The following PKIB variants were observed in gnomAD, a reference collection of about 807,000 sequenced individuals.
PKIB encodes the protein PKI-beta.
Under a neutral mutation model 4.5 loss-of-function variants are expected in PKIB, and 2 were observed. The observed-to-expected ratio is 0.44, with a 90% CI of 0.18 to 1.39. PKIB has a LOEUF of 1.39. PKIB is among the 40% of genes most tolerant of loss of function. The pLI, the probability that PKIB is intolerant of heterozygous loss-of-function variation, is 0.27. For synonymous variants in PKIB, 38 were observed against 36.0 expected (o/e 1.06, Z -0.20); for missense variants, 94 against 92.6 (o/e 1.02, Z -0.06).
At chr6:122,525,849 A>AT (rs1420331059) in intron 2 of PKIB, among the ~76,000 whole-genome samples, 1 of 152,040 alleles carries the variant, frequency 6.6e-6, no homozygotes, top group African/African-American at 2.4e-5. Flanking sequence ...TGCTATCTCA[A>AT]TTGACTCTTT....
At chr6:122,663,682 TC>T (rs1777104500) in intron 2 of PKIB, among the ~76,000 whole-genome samples, 1 of 152,176 alleles carries the variant, frequency 6.6e-6, no homozygotes, top group African/African-American at 2.4e-5. Flanking sequence ...TACGTTGTCT[TC>T]CCTCCTTTTA....
At chr6:122,474,361 CTAA>C (rs1775396837) in intron 1 of PKIB, among the ~76,000 whole-genome samples, 1 of 152,126 alleles carries the variant, frequency 6.6e-6, no homozygotes, top group African/African-American at 2.4e-5. Flanking sequence ...TCCTTCACTC[CTAA>C]TGTTTTCTAA....
chr6:122,606,194 A>T (rs1774529214), upstream of PKIB, among the ~76,000 whole-genome samples: 1 of 152,238 alleles, frequency 6.6e-6, no homozygotes, highest in African/African-American at 2.4e-5. Flanking sequence ...GAGAAGAAAC[A>T]TAGGGAAGAT....
At chr6:122,616,101 A>G (rs776289020) in intron 1 of PKIB, among the ~76,000 whole-genome samples, 2 of 152,180 alleles carry the variant, frequency 1.3e-5, no homozygotes, top group Non-Finnish European at 2.9e-5. Flanking sequence ...GTAGGTAAAT[A>G]TAATGATGAG....
At chr6:122,475,450 T>TA (rs1467428371) in intron 1 of PKIB, among the ~76,000 whole-genome samples, 1 of 152,004 alleles carries the variant, frequency 6.6e-6, no homozygotes, top group Admixed American at 6.6e-5. Context: ...TCACAGGAGT[T>TA]AGAGACCAAC....
At chr6:122,637,792 A>C (rs1775983912) in intron 2 of PKIB, among the ~76,000 whole-genome samples, 1 of 151,856 alleles carries the variant, frequency 6.6e-6, no homozygotes, top group Non-Finnish European at 1.5e-5. Flanking sequence ...TAAATAAATA[A>C]ATAAAGATGA....
intron 2 of PKIB, among the ~76,000 whole-genome samples, chr6:122,503,555 T>C (rs1188796694): frequency 6.6e-6 from 1 of 152,208 alleles, no homozygotes; most frequent in Non-Finnish European, 1.5e-5. Flanking sequence ...ATCTTTCTTC[T>C]TTTATGATTA....
intron 3 of PKIB, among the ~76,000 whole-genome samples, chr6:122,717,053 A>G (rs530749101): frequency 1.3e-5 from 2 of 152,286 alleles, no homozygotes; most frequent in South Asian, 4.1e-4. Flanking sequence ...TCAGTTTTAG[A>G]GTAAGCAATA....
intron 2 of PKIB, among the ~76,000 whole-genome samples, chr6:122,579,643 T>C (rs1773648911): frequency 6.6e-6 from 1 of 152,200 alleles, no homozygotes; most frequent in African/African-American, 2.4e-5. Flanking sequence ...ATTTGAGATG[T>C]ATCAGTTCCT....
At chr6:122,483,930 C>T (rs113417044) in intron 2 of PKIB, 4 of 152,274 alleles carry the variant, frequency 2.6e-5, no homozygotes, top group African/African-American at 9.6e-5. Flanking sequence ...CAAAGTAATC[C>T]TTGTGCCAAA....
chr6:122,671,349 A>C (rs1172455804), intron 2 of PKIB, among the ~76,000 whole-genome samples: 3 of 151,340 alleles, frequency 2.0e-5, no homozygotes, highest in East Asian at 1.9e-4. Flanking sequence ...GCTCATTGAC[A>C]TTGTAAAATA....
intron 3 of PKIB, among the ~76,000 whole-genome samples, chr6:122,688,731 T>G (rs981300531): frequency 6.6e-6 from 1 of 152,070 alleles, no homozygotes; most frequent in East Asian, 1.9e-4. Context: ...TTCTTCTAGA[T>G]TTTCCAATTT....
chr6:122,710,243 G>A (rs9490529), intron 3 of PKIB, among the ~76,000 whole-genome samples: 48,561 of 151,852 alleles, frequency 0.32, 8,908 homozygotes, highest in South Asian at 0.55. Flanking sequence ...GTCATAAACC[G>A]CCATTTGACA....
chr6:122,725,407 C>A lies in PKIB; in HGVS notation c.*212C>A. On this transcript the variant is annotated 3_prime_UTR_variant, in exon 5 of 5. Transcript: ENST00000368452. ...ATTAAAAGGCAGGTTACTTCCAAATCGCACTGAAGGAAAAGGTTAAGAATA... is the reference window on the plus strand; with the variant it reads ...ATTAAAAGGCAGGTTACTTCCAAATAGCACTGAAGGAAAAGGTTAAGAATA... 1.9e-6 allele frequency: 1 copy of A among 521,002 alleles called. No homozygotes were observed. The highest frequency in any genetic ancestry group is 3.5e-6 in the Non-Finnish European group (1 of 286,012). 32.3% of individuals were successfully genotyped at this position (521,002 alleles called of 1,614,324 possible).
chr6:122,581,050 C>T (rs1372412557), intron 2 of PKIB, among the ~76,000 whole-genome samples: 2 of 152,158 alleles, frequency 1.3e-5, no homozygotes, highest in Non-Finnish European at 1.5e-5. Context: ...AGATATACCT[C>T]GAGTCCCACC....
intron 3 of PKIB, among the ~76,000 whole-genome samples, chr6:122,698,945 T>C (rs1406512428): frequency 1.8e-4 from 27 of 152,222 alleles, no homozygotes; most frequent in Non-Finnish European, 2.9e-5. Context: ...CAGGACTTTG[T>C]ACTATGTGTG....
At chr6:122,496,854 C>A (rs1776088657) in intron 2 of PKIB, among the ~76,000 whole-genome samples, 1 of 151,972 alleles carries the variant, frequency 6.6e-6, no homozygotes, top group South Asian at 2.1e-4. Flanking sequence ...TTTCTTATAT[C>A]CAGATGCAAG....
intron 2 of PKIB, among the ~76,000 whole-genome samples, chr6:122,653,659 T>A (rs1461902338): frequency 1.4e-5 from 2 of 141,090 alleles, no homozygotes; most frequent in East Asian, 4.0e-4. Context: ...AAAAAAAAAA[T>A]TGGAGTTAAG....
intron 2 of PKIB, among the ~76,000 whole-genome samples, chr6:122,529,800 G>A (rs943705438): frequency 3.3e-5 from 5 of 152,060 alleles, no homozygotes; most frequent in Admixed American, 6.6e-5. Context: ...GAAATCCCCT[G>A]ATAATCTTAT....
Sources: allele counts gnomAD v4.1 joint callset (sites outside exome capture counted in the v4.1 genomes callset), GRCh38; gene constraint gnomAD v4.1.1; transcripts MANE v1.5; gene names NCBI Gene and HGNC (gene_info 2026-07-23, HGNC 2026-07-21).